The following RPH3A variants were observed in gnomAD, a reference collection of about 807,000 sequenced individuals.
The protein encoded by RPH3A is rabphilin-3A.
In RPH3A, 48 loss-of-function variants were observed where a neutral mutation model predicts 102.2. That is an observed-to-expected ratio of 0.47 (90% CI 0.37 to 0.60). The LOEUF is 0.60. Ranked by LOEUF, RPH3A falls within the 20% of genes least tolerant of loss-of-function variation. The pLI, the probability that RPH3A is intolerant of heterozygous loss-of-function variation, is 0.00. For synonymous variants in RPH3A, 310 were observed against 324.3 expected, an observed-to-expected ratio of 0.96 and a Z score of 0.47; for missense variants, 781 against 910.1, an observed-to-expected ratio of 0.86 and a Z score of 1.83.
intron 1 of RPH3A, among the ~76,000 whole-genome samples, chr12:112,697,662 G>A (rs988648517): frequency 2.0e-5 from 3 of 152,094 alleles, no homozygotes; most frequent in African/African-American, 7.2e-5. Flanking sequence ...GTCAGGGGTT[G>A]GCAACCAGCC....
At chr12:112,895,509 C>T (rs910120627) in intron 20 of RPH3A, 2 of 381,716 alleles carry the variant, frequency 5.2e-6, no homozygotes, top group African/African-American at 4.0e-5. Flanking sequence ...GAAACTTGAG[C>T]TCTATTAGAA....
At position 112,774,346 on chromosome 12, in the gene RPH3A, G is replaced by A. The variant is rs1592991947; in HGVS notation, c.-139-17797G>A. Among the ~76,000 whole-genome samples the A allele has an allele frequency of 2.0e-5, 3 of 152,170 alleles. No homozygotes were observed. The East Asian group carries it at 5.8e-4, about 29-fold the overall frequency. The stretch of plus-strand genomic sequence containing the variant: ...TTGTCACTGACACATAATGTATTAT[G>A]CTGATTAAATGTAACTAAAATATTT... On this transcript the variant is annotated intron_variant, in intron 1 of 21. Coordinates refer to the RPH3A transcript ENST00000543106.
At chr12:112,695,262 G>A (rs2040341555) in intron 1 of RPH3A, 2 of 167,316 alleles carry the variant, frequency 1.2e-5, no homozygotes, top group African/African-American at 2.4e-5. Flanking sequence ...TATTGCTTCT[G>A]GTGTATATCC....
At chr12:112,831,771 A>C in intron 3 of RPH3A, 1 of 455,912 alleles carries the variant, frequency 2.2e-6, no homozygotes, top group South Asian at 1.5e-5. Context: ...TGGACTTTGA[A>C]GGATTGGTTG....
chr12:112,866,693 C>A (rs2042616490), intron 6 of RPH3A, 64 bp from the exon 7 acceptor site: 4 of 1,348,798 alleles, frequency 3.0e-6, no homozygotes, highest in African/African-American at 1.4e-5. Flanking sequence ...AAGTGGGGGG[C>A]TACGTTGCCA....
rs1565857160 is a variant in RPH3A at position 112,713,010 on chromosome 12, C to CTTTGT, written c.-139-79133_-139-79132insTTTGT. Among the ~76,000 whole-genome samples, 60 of 73,584 alleles carry CTTTGT rather than the reference C, an allele frequency of 8.2e-4. 3 individuals are homozygous for CTTTGT. The highest frequency in any genetic ancestry group is 4.5e-3 in the South Asian group (7 of 1,564). The allele number at this position is 73,584 out of a possible 152,430, so 48.3% of individuals were successfully genotyped here. On this transcript the variant is annotated intron_variant, in intron 1 of 21. Transcript: ENST00000543106. ...TCGTCTTTGTCTTCCTCTTCCTCTT[C>CTTTGT]CTCTTCCTCTTCCTCTTCTTCTTCT...
Position 112,837,805 on chromosome 12 carries a change from G to A in RPH3A, c.83+1303G>A, listed in dbSNP as rs542344473. The A allele has an allele frequency of 3.4e-3, 1,531 of 455,944 alleles. 22 individuals carry two copies. Among genetic ancestry groups the A allele is most frequent in the South Asian group, 0.022 (1,431 of 64,550 alleles). 28.2% of individuals were successfully genotyped at this position (455,944 alleles called of 1,614,324 possible). A position where few individuals can be genotyped will look rare whatever the true frequency, so the allele number is the denominator to read the frequency against. ...AGAGGCTTCATGAATGCTGCAGGTT[G>A]AAAGGTAGCATGTTCATCCTCTTCC... is the stretch of plus-strand genomic sequence containing the variant. On this transcript the variant is annotated intron_variant, in intron 4 of 21. Coordinates refer to ENST00000389385, the MANE Select transcript of RPH3A (RefSeq NM_001143854.2).
chr12:112,746,260 A>G (rs140151535), intron 1 of RPH3A, among the ~76,000 whole-genome samples: 52 of 152,302 alleles, frequency 3.4e-4, no homozygotes, highest in South Asian at 1.2e-3. Flanking sequence ...GCAAACATAC[A>G]TTAAACAATG....
At chr12:112,765,851 A>T (rs2040885059) in intron 1 of RPH3A, among the ~76,000 whole-genome samples, 1 of 152,174 alleles carries the variant, frequency 6.6e-6, no homozygotes, top group South Asian at 2.1e-4. Context: ...GCCCATTCAT[A>T]TTAGCTGAGA....
intron 16 of RPH3A, among the ~76,000 whole-genome samples, chr12:112,884,578 A>C (rs2042975747): frequency 6.6e-6 from 1 of 152,230 alleles, no homozygotes; most frequent in African/African-American, 2.4e-5. Context: ...TGCAATGAGC[A>C]ACTTTATTCT....
chr12:112,868,365 C>T, intron 7 of RPH3A, 65 bp from the exon 8 acceptor site: 1 of 1,539,768 alleles, frequency 6.5e-7, no homozygotes, highest in Non-Finnish European at 8.9e-7. Context: ...AAAATGGGCA[C>T]TCATGAAGGT....
At chr12:112,821,613 A>G (rs984956029) in intron 2 of RPH3A, among the ~76,000 whole-genome samples, 2 of 152,190 alleles carry the variant, frequency 1.3e-5, no homozygotes, top group South Asian at 2.1e-4. Flanking sequence ...CTCAAATAGC[A>G]TCTCTCAGTG....
At chr12:112,747,860 T>C (rs749449240) in intron 1 of RPH3A, among the ~76,000 whole-genome samples, 11 of 152,250 alleles carry the variant, frequency 7.2e-5, no homozygotes, top group Admixed American at 3.9e-4. Flanking sequence ...CAGTTATTCA[T>C]GGACCCATTA....
At chr12:112,759,396 C>T (rs1233777067) in intron 1 of RPH3A, among the ~76,000 whole-genome samples, 1 of 152,148 alleles carries the variant, frequency 6.6e-6, no homozygotes, top group Non-Finnish European at 1.5e-5. Context: ...GAGGAGCCTT[C>T]GTTTCCTGGT....
intron 1 of RPH3A, among the ~76,000 whole-genome samples, chr12:112,772,184 T>G (rs1213178353): frequency 2.0e-5 from 3 of 152,208 alleles, no homozygotes; most frequent in Non-Finnish European, 4.4e-5. Context: ...AATGTTCTGA[T>G]GCAAATCCAT....
At chr12:112,782,293 A>C (rs928687093) in intron 1 of RPH3A, among the ~76,000 whole-genome samples, 1 of 152,248 alleles carries the variant, frequency 6.6e-6, no homozygotes, top group Non-Finnish European at 1.5e-5. Context: ...TCTATTTTCC[A>C]GGGTAACTCT....
intron 1 of RPH3A, among the ~76,000 whole-genome samples, chr12:112,662,930 G>A (rs2040058786): frequency 6.6e-6 from 1 of 151,966 alleles, no homozygotes; most frequent in African/African-American, 2.4e-5. Flanking sequence ...ACTTCTCTGG[G>A]ATTGAAAAAT....
At chr12:112,836,600 A>T in intron 4 of RPH3A, 98 bp downstream of exon 4, 1 of 464,150 alleles carries the variant, frequency 2.2e-6, no homozygotes, top group Admixed American at 4.6e-5. Context: ...AGATGGTTAA[A>T]AAAGGAACTA....
At chr12:112,882,452 A>C (rs2042931405) in intron 15 of RPH3A, among the ~76,000 whole-genome samples, 2 of 152,194 alleles carry the variant, frequency 1.3e-5, no homozygotes, top group South Asian at 4.1e-4. Context: ...AGATGTCCTA[A>C]AGGCAAAGGT....
Sources: allele counts gnomAD v4.1 joint callset (sites outside exome capture counted in the v4.1 genomes callset), GRCh38; gene constraint gnomAD v4.1.1; transcripts MANE v1.5; gene names NCBI Gene and HGNC (gene_info 2026-07-23, HGNC 2026-07-21).